ADNP2: variants seen among roughly 807,000 people sequenced by gnomAD.
ADNP2 encodes ADNP homeobox 2.
ADNP2 carries 8 observed loss-of-function variants against 16.4 expected under a neutral mutation model. The ratio of observed to expected loss-of-function variants is 0.49; its 90% CI spans 0.29 to 0.88. The LOEUF (loss-of-function observed/expected upper bound fraction) is 0.88, where lower values mean the gene tolerates loss of function less well. Among genes scored for constraint, ADNP2 ranks in the 40% least tolerant of loss-of-function variants. The pLI is 0.09. For missense variants in ADNP2, 1,397 were observed against 1,395.1 expected, an observed-to-expected ratio of 1.00 and a Z score of -0.02; for synonymous variants, 637 against 545.8, an observed-to-expected ratio of 1.17 and a Z score of -2.33.
chr18:80,114,191 T>TTAAA (rs1167293967), intron 1 of ADNP2, among the ~76,000 whole-genome samples: 1 of 105,874 alleles, frequency 9.4e-6, no homozygotes, highest in Non-Finnish European at 2.2e-5. Flanking sequence ...AGACCCTGTC[T>TTAAA]CAAAAAAAAA....
rs1568417676 is a variant in ADNP2, at chr18:80,138,860, T to C, written c.*51T>C. 5 of 1,409,114 alleles carry C rather than the reference T, an allele frequency of 3.5e-6. No homozygotes were observed. In the South Asian group the frequency reaches 7.7e-5, roughly 22 times the overall value. 87.3% of individuals were successfully genotyped at this position (1,409,114 alleles called of 1,614,324 possible). A position where few individuals can be genotyped will look rare whatever the true frequency, so the allele number is the denominator to read the frequency against. ...CTCTAAAGTAGTAGGTAGATTTTTT[T>C]CAGTTGAAATTTCACAGTGTTGTCC... On this transcript the variant is annotated 3_prime_UTR_variant, in exon 4 of 4. Coordinates refer to ENST00000262198, the MANE Select transcript of ADNP2 (RefSeq NM_014913.4).
chr18:80,112,821 C>G (rs1378933373), intron 1 of ADNP2, among the ~76,000 whole-genome samples: 2 of 152,202 alleles, frequency 1.3e-5, no homozygotes, highest in Non-Finnish European at 2.9e-5. Flanking sequence ...AAGATCAGCT[C>G]TGGCTGTGTG....
intron 2 of ADNP2, among the ~76,000 whole-genome samples, chr18:80,129,921 C>G (rs535526641): frequency 6.6e-6 from 1 of 152,332 alleles, no homozygotes; most frequent in South Asian, 2.1e-4. Flanking sequence ...TCTTGTTTTA[C>G]TCAGCAGTTG....
intron 2 of ADNP2, among the ~76,000 whole-genome samples, chr18:80,127,345 T>TG (rs1347500661): frequency 6.7e-6 from 1 of 149,922 alleles, no homozygotes; most frequent in East Asian, 1.9e-4. Context: ...TTCAGTTTTT[T>TG]TTTTTTTTTT....
chr18:80,109,896 G>T (rs1474169560), intron 1 of ADNP2: 2 of 152,238 alleles, frequency 1.3e-5, no homozygotes, highest in South Asian at 1.9e-4. Flanking sequence ...GAGGGGGCAA[G>T]GAGCTGTGGC....
chr18:80,138,013 C>G lies in ADNP2; in HGVS notation c.2600C>G (p.Pro867Arg), dbSNP rs2052554112. The G allele has an allele frequency of 3.1e-6, 5 of 1,613,574 alleles. No homozygotes were observed. Among genetic ancestry groups the G allele is most frequent in the Non-Finnish European group, 4.2e-6 (5 of 1,180,026 alleles). The change falls in exon 4 of 4, where the codon CCC becomes CGC. Residue 867 changes from proline (P) to arginine (R), a missense_variant. Transcript: ENST00000262198. ...VKVRPQAEGT[P>R]GSTGKRVSTC... ...GTGAGGCCTCAGGCTGAGGGCACCCCCGGGAGCACCGGCAAGCGAGTGTCC... is the reference window on the plus strand; with the variant it reads ...GTGAGGCCTCAGGCTGAGGGCACCCGCGGGAGCACCGGCAAGCGAGTGTCC...
intron 2 of ADNP2, among the ~76,000 whole-genome samples, chr18:80,124,264 C>G (rs977829832): frequency 6.6e-6 from 1 of 152,130 alleles, no homozygotes; most frequent in Non-Finnish European, 1.5e-5. Context: ...CTCTCTCTGT[C>G]TCATTTTTCC....
At chr18:80,126,916 T>A (rs1449731071) in intron 2 of ADNP2, among the ~76,000 whole-genome samples, 2 of 152,260 alleles carry the variant, frequency 1.3e-5, no homozygotes, top group Admixed American at 6.5e-5. Flanking sequence ...AATAAACAAT[T>A]CATCTGTTTT....
Position 80,136,792 on chromosome 18 carries a change from T to TA in ADNP2, c.1379_1380insA (p.Met460IlefsTer87). The TA allele has an allele frequency of 6.2e-7, 1 of 1,613,860 alleles. No individual in the cohort carries two copies. The highest frequency in any genetic ancestry group is 8.5e-7 in the Non-Finnish European group (1 of 1,179,900). ...GGCCAGATGACTCCTGCAGGCCAGA[T>TA]GACTCCTGCAGGGGTTATCCCTGGG... On this transcript the variant is annotated frameshift_variant, in exon 4 of 4. Coordinates refer to ENST00000262198, the MANE Select transcript of ADNP2 (RefSeq NM_014913.4). LOFTEE classifies it low-confidence loss of function (END_TRUNC).
intron 2 of ADNP2, among the ~76,000 whole-genome samples, chr18:80,131,746 A>G (rs1300856219): frequency 6.6e-6 from 1 of 151,708 alleles, no homozygotes; most frequent in Non-Finnish European, 1.5e-5. Flanking sequence ...AACTGTTGCA[A>G]GGACAGAAAA....
intron 2 of ADNP2, among the ~76,000 whole-genome samples, 154 bp from the exon 3 acceptor site, chr18:80,132,949 G>GGCCTCAAGTGATCCACCCTCCTC (rs1156249376): frequency 6.6e-6 from 1 of 152,076 alleles, no homozygotes; most frequent in African/African-American, 2.4e-5. Flanking sequence ...TCGACCTCCT[G>GGCCTCAAGTGATCCACCCTCCTC]GCCTCAAGTG....
intron 2 of ADNP2, among the ~76,000 whole-genome samples, chr18:80,128,150 G>C (rs909008350): frequency 6.6e-6 from 1 of 152,156 alleles, no homozygotes; most frequent in Non-Finnish European, 1.5e-5. Flanking sequence ...TGCTGCTCTA[G>C]CAGCATCTTT....
At chr18:80,130,377 T>C (rs2052488259) in intron 2 of ADNP2, among the ~76,000 whole-genome samples, 1 of 152,218 alleles carries the variant, frequency 6.6e-6, no homozygotes, top group Non-Finnish European at 1.5e-5. Flanking sequence ...GTCTTTATGC[T>C]CACTTCTTAA....
intron 2 of ADNP2, among the ~76,000 whole-genome samples, chr18:80,119,677 C>A (rs2052412232): frequency 6.6e-6 from 1 of 152,182 alleles, no homozygotes; most frequent in African/African-American, 2.4e-5. Flanking sequence ...TAGACTCTTC[C>A]ACGAATCTAA....
In ADNP2 at chr18:80,137,070, G is replaced by C; in HGVS notation, c.1657G>C (p.Val553Leu). Residue 553 changes from valine to leucine, a missense_variant, in exon 4 of 4, where the codon GTT (valine) becomes CTT (leucine). Coordinates refer to ENST00000262198, the MANE Select transcript of ADNP2 (RefSeq NM_014913.4). This position sits in a 1 kb window ranked among gnomAD's most constrained non-coding sequence, Gnocchi z 4.2. ...GCTTAGTCAGCCTGTTGTGTCGGGA[G>C]TTCTTCCTGTGGGCCAGCCAGTGAG... ...LQLSQPVVSG[V>L]LPVGQPVRPG... 1 of 1,614,172 alleles carries C rather than the reference G, an allele frequency of 6.2e-7. No homozygotes were observed.
Position 80,136,758 on chromosome 18 carries a change from C to T in ADNP2, c.1345C>T (p.Leu449Phe), listed in dbSNP as rs1352862103. Reference sequence around the variant, plus strand: ...GAGTCGGGCGGTCCCGTCTGGAGTCCTTCCTGCAGGCCAGATGACTCCTGC... The same window carrying T: ...GAGTCGGGCGGTCCCGTCTGGAGTCTTTCCTGCAGGCCAGATGACTCCTGC... ...SVSRAVPSGV[L>F]PAGQMTPAGQ... Residue 449 changes from leucine (L) to phenylalanine (F), a missense_variant, in exon 4 of 4, where the codon CTT becomes TTT. Around this residue, in one of 3 missense-constraint regions of ADNP2, gnomAD observed 777 missense variants for 719.4 expected, o/e 1.08. Transcript: ENST00000262198. The T allele has an allele frequency of 1.9e-6, 3 of 1,609,630 alleles. No individual in the cohort carries two copies. Among genetic ancestry groups the T allele is most frequent in the East Asian group, 4.5e-5 (2 of 44,832 alleles).
intron 2 of ADNP2, among the ~76,000 whole-genome samples, chr18:80,127,198 T>C (rs2052464814): frequency 6.6e-6 from 1 of 152,192 alleles, no homozygotes; most frequent in Non-Finnish European, 1.5e-5. Flanking sequence ...ACGTAGTATA[T>C]GTAGCGTTTG....
At chr18:80,126,933 C>A (rs1374760781) in intron 2 of ADNP2, among the ~76,000 whole-genome samples, 1 of 152,154 alleles carries the variant, frequency 6.6e-6, no homozygotes, top group Admixed American at 6.5e-5. Context: ...TTTTAAGTTC[C>A]ATGGCATTCT....
intron 1 of ADNP2, among the ~76,000 whole-genome samples, chr18:80,112,915 G>T (rs1304685331): frequency 2.0e-5 from 3 of 152,166 alleles, no homozygotes; most frequent in Admixed American, 2.0e-4. Context: ...AGACAACACT[G>T]TTTGTCAGCC....
Sources: allele counts gnomAD v4.1 joint callset (sites outside exome capture counted in the v4.1 genomes callset), GRCh38; gene constraint gnomAD v4.1.1; regional missense constraint gnomAD v4.1.1; non-coding constraint Gnocchi (gnomAD v3.1); transcripts MANE v1.5; gene names NCBI Gene and HGNC (gene_info 2026-07-23, HGNC 2026-07-21).